Variants in IKBKG observed in about 807,000 individuals in gnomAD.
The protein encoded by IKBKG is inhibitor of nuclear factor kappa B kinase regulatory subunit gamma, also known as NF-kappa-B essential modulator.
IKBKG carries 2 observed loss-of-function variants against 13.7 expected under a neutral mutation model. That is an observed-to-expected ratio of 0.15 (90% confidence interval 0.06 to 0.46). IKBKG has a LOEUF of 0.46. Ranked by LOEUF, IKBKG falls within the 20% of genes least tolerant of loss-of-function variation. The probability of loss-of-function intolerance (pLI) is 0.98; values close to 1 mark genes in which losing one functional copy is unlikely to be tolerated. For missense variants in IKBKG, 53 were observed against 150.3 expected, an observed-to-expected ratio of 0.35 and a Z score of 3.39; for synonymous variants, 22 against 64.4, an observed-to-expected ratio of 0.34 and a Z score of 3.15.
upstream of IKBKG, chrX:154,547,182 C>G: frequency 3.7e-6 from 1 of 273,932 alleles, no homozygotes; most frequent in Non-Finnish European, 5.0e-6. Context: ...CCGCCTGCCC[C>G]GGCGGCCTCG....
At chrX:154,550,260 ATGTG>A (rs781959969) in intron 1 of IKBKG, among the ~76,000 whole-genome samples, 5 of 94,086 alleles carry the variant, frequency 5.3e-5, no homozygotes, top group African/African-American at 2.0e-4. Flanking sequence ...GTGTGTGTGT[ATGTG>A]TGTGTGTGTG....
At chrX:154,542,216 C>G (rs1353738400) in intron 1 of IKBKG, 1 of 879,702 alleles carries the variant, frequency 1.1e-6, no homozygotes, top group African/African-American at 2.0e-5. Flanking sequence ...TGGGTCATCC[C>G]TCCCACAGGC....
upstream of IKBKG, chrX:154,546,019 G>A: frequency 2.5e-6 from 3 of 1,209,138 alleles, no homozygotes; most frequent in Non-Finnish European, 3.4e-6. Context: ...TAAGATTGGG[G>A]CCTGGGAGAT....
At chrX:154,546,301 G>T, upstream of IKBKG, 1 of 829,129 alleles carries the variant, frequency 1.2e-6, no homozygotes, top group Non-Finnish European at 1.8e-6. Flanking sequence ...GAACGGCTGG[G>T]CATTGGGGAG....
chrX:154,549,223 C>T (rs985322828), intron 1 of IKBKG, among the ~76,000 whole-genome samples: 15 of 107,393 alleles, frequency 1.4e-4, no homozygotes, highest in South Asian at 4.0e-4. Flanking sequence ...CCTTGTCATC[C>T]GCCCGCCTCG....
intron 3 of IKBKG, 52 bp from the exon 4 acceptor site, chrX:154,558,479 TG>T: frequency 4.4e-6 from 2 of 453,987 alleles, no homozygotes; most frequent in Non-Finnish European, 7.4e-6. Flanking sequence ...ATGGCAGGAG[TG>T]GGCCGCTGGG....
upstream of IKBKG, chrX:154,545,805 A>T (rs1450906674): frequency 5.5e-6 from 2 of 366,695 alleles, no homozygotes; most frequent in Non-Finnish European, 9.4e-6. Context: ...ACTGCACCCC[A>T]TCCTGGGCGA....
chrX:154,545,066 T>C (rs1431259322), upstream of IKBKG, among the ~76,000 whole-genome samples: 1 of 111,932 alleles, frequency 8.9e-6, no homozygotes, highest in Admixed American at 9.5e-5. Context: ...AAGCCCTTGT[T>C]CCACCAGCCC....
upstream of IKBKG, chrX:154,547,551 T>C (rs1160272180): frequency 4.0e-6 from 3 of 754,296 alleles, no homozygotes; most frequent in Non-Finnish European, 4.7e-6. Flanking sequence ...CTCACACTTC[T>C]CGCCGGCTTC....
intron 2 of IKBKG, among the ~76,000 whole-genome samples, 182 bp downstream of exon 2, chrX:154,552,371 G>A (rs1444852433): frequency 1.8e-5 from 2 of 112,039 alleles, no homozygotes; most frequent in East Asian, 5.6e-4. Flanking sequence ...ACCAGTACTG[G>A]GAAGGGAAAG....
At chrX:154,541,922 C>G (rs190327948) in intron 1 of IKBKG, among the ~76,000 whole-genome samples, 1 of 112,243 alleles carries the variant, frequency 8.9e-6, no homozygotes, top group East Asian at 2.8e-4. Flanking sequence ...ATCCCATCCC[C>G]AAGGGTCACT....
chrX:154,550,277 T>TGA (rs1194265504), intron 1 of IKBKG, among the ~76,000 whole-genome samples: 1 of 101,868 alleles, frequency 9.8e-6, no homozygotes, highest in East Asian at 3.0e-4. Flanking sequence ...TGTGTGTGTG[T>TGA]GAGAGAGAGA....
upstream of IKBKG, chrX:154,542,487 G>A (rs1557232228): frequency 1.7e-6 from 2 of 1,149,220 alleles, no homozygotes; most frequent in Non-Finnish European, 1.2e-6. Flanking sequence ...GTAGGGGTGG[G>A]AGTCCTGAGA....
chrX:154,547,291 C>G, upstream of IKBKG: 1 of 746,919 alleles, frequency 1.3e-6, no homozygotes, highest in Non-Finnish European at 1.6e-6. Context: ...CGCCACTCCC[C>G]CGGGAACCCT....
upstream of IKBKG, among the ~76,000 whole-genome samples, chrX:154,544,618 C>G (rs1557232760): frequency 1.8e-5 from 2 of 112,338 alleles, no homozygotes; most frequent in African/African-American, 6.5e-5. Context: ...CTGAGGGGAC[C>G]AGGCTGGGGC....
rs1469264970 is a variant in IKBKG, at chrX:154,554,325, A to G, written c.188-1840A>G. Among the ~76,000 whole-genome samples, 3 of 112,521 alleles carry G rather than the reference A, an allele frequency of 2.7e-5. No individual in the cohort carries two copies. In the East Asian group the frequency reaches 8.3e-4, roughly 31 times the overall value. ...GAGGGTGCTGGGGGAGCGACTGCTTATGGGGTCCCGGAACTGTTCTGGAAT... is the reference window on the plus strand; with the variant it reads ...GAGGGTGCTGGGGGAGCGACTGCTTGTGGGGTCCCGGAACTGTTCTGGAAT... On this transcript the variant is annotated intron_variant, in intron 2 of 9. Transcript: ENST00000594239.
At chrX:154,548,427 G>A (rs1021845459) in intron 1 of IKBKG, among the ~76,000 whole-genome samples, 1 of 112,806 alleles carries the variant, frequency 8.9e-6, no homozygotes, top group Middle Eastern at 4.6e-3. Context: ...ACAGACCATA[G>A]TGGGCAAGGG....
intron 1 of IKBKG, 169 bp downstream of exon 1, chrX:154,547,914 G>A (rs1375346702): frequency 2.5e-4 from 185 of 753,622 alleles, no homozygotes; most frequent in Non-Finnish European, 2.9e-4. Context: ...CAGGTTACTT[G>A]GGCGGCGAGC....
At chrX:154,549,491 G>A (rs2070867757) in intron 1 of IKBKG, among the ~76,000 whole-genome samples, 1 of 107,567 alleles carries the variant, frequency 9.3e-6, no homozygotes, top group Admixed American at 1.0e-4. Flanking sequence ...TGTTGGCCAG[G>A]CTGGTCTTGA....
Sources: allele counts gnomAD v4.1 joint callset (sites outside exome capture counted in the v4.1 genomes callset), GRCh38; gene constraint gnomAD v4.1.1; transcripts MANE v1.5; gene names NCBI Gene and HGNC (gene_info 2026-07-23, HGNC 2026-07-21).